HHIP: variants seen among roughly 807,000 people sequenced by gnomAD.
HHIP encodes the protein hedgehog interacting protein.
In HHIP, 12 loss-of-function variants were observed where a neutral mutation model predicts 74.0. The ratio of observed to expected loss-of-function variants is 0.16; its 90% CI spans 0.10 to 0.26. The LOEUF (loss-of-function observed/expected upper bound fraction) is 0.26, where lower values mean the gene tolerates loss of function less well. Among genes scored for constraint, HHIP ranks in the 10% least tolerant of loss-of-function variants. The probability of loss-of-function intolerance (pLI) is 1.00; values close to 1 mark genes in which losing one functional copy is unlikely to be tolerated. For synonymous variants in HHIP, 309 were observed against 311.6 expected (o/e 0.99, Z 0.09); for missense variants, 788 against 845.0 (o/e 0.93, Z 0.84).
At position 144,743,950 on chromosome 4, in the gene HHIP, A is replaced by G. The variant is rs1216625750; in HGVS notation, c.*5993A>G. On this transcript the variant is annotated 3_prime_UTR_variant, in exon 13 of 13. Transcript: ENST00000296575. ...ACTTTATATTCTTAAAATCTGAGAC[A>G]TGATTTTTCTGGAACAAATTAAGAT... 1 of 152,136 alleles carries G rather than the reference A, an allele frequency of 6.6e-6. No individual in the cohort carries two copies. The highest frequency in any genetic ancestry group is 1.5e-5 in the Non-Finnish European group (1 of 67,980). The allele number at this position is 152,136 out of a possible 1,614,324, so 9.4% of individuals were successfully genotyped here. A position where few individuals can be genotyped will look rare whatever the true frequency, so the allele number is the denominator to read the frequency against.
chr4:144,684,894 C>G (rs767958670), intron 4 of HHIP, among the ~76,000 whole-genome samples: 1 of 152,176 alleles, frequency 6.6e-6, no homozygotes, highest in Non-Finnish European at 1.5e-5. Context: ...ACACATATTT[C>G]AAATCCTAAC....
At chr4:144,716,925 G>A (rs1310693700) in intron 10 of HHIP, among the ~76,000 whole-genome samples, 1 of 133,012 alleles carries the variant, frequency 7.5e-6, no homozygotes, top group Non-Finnish European at 1.6e-5. Flanking sequence ...AGAGATGAAT[G>A]TTTAAATGTT....
Position 144,652,781 on chromosome 4 carries a change from C to T in HHIP, c.456C>T (p.Cys152=). The T allele has an allele frequency of 6.3e-7, 1 of 1,591,584 alleles. No homozygotes were observed. The highest frequency in any genetic ancestry group is 8.5e-7 in the Non-Finnish European group (1 of 1,172,922). The change falls in exon 2 of 13, where the codon TGC becomes TGT. Residue 152 remains cysteine, a synonymous_variant. Coordinates refer to ENST00000296575, the MANE Select transcript of HHIP (RefSeq NM_022475.3). ...KDYCKEFFYT[C]RGHIPGFLQT... ...ATTGCAAAGAATTCTTTTACACTTG[C>T]CGAGGCCATATTCCAGGTAAGAAAA...
rs139463508 is a variant in HHIP at position 144,646,805 on chromosome 4, C to T, written c.130C>T (p.Pro44Ser). Reference sequence around the variant, plus strand: ...GAGGAGAAGGTGCCTGAATGGGAACCCCCCGAAGCGCCTGAAAAGGAGAGA... The same window carrying T: ...GAGGAGAAGGTGCCTGAATGGGAACTCCCCGAAGCGCCTGAAAAGGAGAGA... ...ARRRRCLNGN[P>S]PKRLKRRDRR... is the part of the protein sequence containing the mutation. The change falls in exon 1 of 13, where the codon CCC (proline) becomes TCC (serine). Residue 44 changes from proline to serine, a missense_variant. Pro to Ser is a moderately conservative substitution (Grantham distance 74, BLOSUM62 -1). This residue lies in a region of HHIP where 373 missense variants were observed against 366.4 expected (regional missense o/e 1.02). Coordinates refer to ENST00000296575, the MANE Select transcript of HHIP (RefSeq NM_022475.3). 2.9e-4 allele frequency: 476 copies of T among 1,614,172 alleles called. 3 individuals carry two copies. Among genetic ancestry groups the T allele is most frequent in the Non-Finnish European group, 3.2e-4 (372 of 1,180,030 alleles).
At chr4:144,673,383 G>A (rs1267925610) in intron 4 of HHIP, among the ~76,000 whole-genome samples, 1 of 152,260 alleles carries the variant, frequency 6.6e-6, no homozygotes, top group Middle Eastern at 3.4e-3. Context: ...CATGGGTTCT[G>A]GTGAAAGGTT....
intron 4 of HHIP, among the ~76,000 whole-genome samples, chr4:144,672,260 C>A (rs532089933): frequency 5.3e-4 from 81 of 152,176 alleles, no homozygotes; most frequent in Middle Eastern, 3.4e-3. Context: ...CCTCATAGGC[C>A]AATAGGTGCA....
rs547881038 is a variant in HHIP, at chr4:144,684,450, T to G, written c.832-22081T>G. ...TTTTTTTTATTTTTATTTTTTATTT[T>G]TTGTATTTTTAGTAGAAACGTGGTT... On this transcript the variant is annotated intron_variant, in intron 4 of 12. Transcript: ENST00000296575. 4.4e-3 allele frequency among the ~76,000 whole-genome samples: 659 copies of G among 150,952 alleles called. 2 individuals are homozygous for G. Among genetic ancestry groups the G allele is most frequent in the Non-Finnish European group, 5.8e-3 (392 of 67,742 alleles).
chr4:144,670,074 G>A (rs1250874699), intron 4 of HHIP, among the ~76,000 whole-genome samples: 5 of 148,694 alleles, frequency 3.4e-5, no homozygotes, highest in African/African-American at 1.2e-4. Flanking sequence ...AACCCAGGAG[G>A]CAGAGGTTTC....
chr4:144,694,931 A>G (rs892007494), intron 4 of HHIP, among the ~76,000 whole-genome samples: 1 of 151,826 alleles, frequency 6.6e-6, no homozygotes, highest in African/African-American at 2.4e-5. Context: ...TGTTTTTATA[A>G]AAGTTAATGG....
intron 11 of HHIP, among the ~76,000 whole-genome samples, chr4:144,721,370 A>T (rs1395837802): frequency 1.3e-5 from 2 of 152,142 alleles, no homozygotes; most frequent in African/African-American, 4.8e-5. Flanking sequence ...TATCTCTTAA[A>T]TCATTTTGGC....
At chr4:144,659,913 G>A in intron 4 of HHIP, 75 bp downstream of exon 4, 3 of 1,079,150 alleles carry the variant, frequency 2.8e-6, no homozygotes, top group Non-Finnish European at 2.8e-6. Context: ...CCTCACTGAA[G>A]GTATTTCTTT....
intron 4 of HHIP, among the ~76,000 whole-genome samples, chr4:144,665,644 G>A (rs1004212877): frequency 6.6e-6 from 1 of 152,002 alleles, no homozygotes; most frequent in African/African-American, 2.4e-5. Flanking sequence ...TTTTGCTCCT[G>A]GTATTCTTTC....
intron 11 of HHIP, among the ~76,000 whole-genome samples, chr4:144,728,709 A>C (rs1442989132): frequency 6.6e-6 from 1 of 152,188 alleles, no homozygotes; most frequent in Non-Finnish European, 1.5e-5. Context: ...ATAGTACTTG[A>C]AAAATACATT....
chr4:144,712,214 T>C (rs1049299065), intron 8 of HHIP, 143 bp downstream of exon 8: 8 of 682,126 alleles, frequency 1.2e-5, no homozygotes, highest in African/African-American at 3.6e-5. Flanking sequence ...CAGGAGTAAA[T>C]TGCTCACTTT....
chr4:144,707,027 C>A (rs1002821888), intron 5 of HHIP, 60 bp from the exon 6 acceptor site: 4 of 1,407,282 alleles, frequency 2.8e-6, no homozygotes, highest in Middle Eastern at 1.8e-4. Flanking sequence ...TATTCACTTT[C>A]TGATGGACTC....
At position 144,708,037 on chromosome 4, in the gene HHIP, C is replaced by G; in HGVS notation, c.1158-131C>G. On this transcript the variant is annotated intron_variant, in intron 6 of 12. Transcript: ENST00000296575. Reference sequence around the variant, plus strand: ...GGATTACAGACGTGAGCCACTGCATCCAGCCACTTTAATATTTTATTTCAA... The same window carrying G: ...GGATTACAGACGTGAGCCACTGCATGCAGCCACTTTAATATTTTATTTCAA... 3.1e-6 allele frequency: 3 copies of G among 956,372 alleles called. No individual in the cohort carries two copies. In the South Asian group the frequency reaches 4.8e-5, roughly 15 times the overall value. The allele number at this position is 956,372 out of a possible 1,614,324, so 59.2% of individuals were successfully genotyped here.
chr4:144,744,269 C>T lies in HHIP; in HGVS notation c.*6312C>T, dbSNP rs1401444326. On this transcript the variant is annotated 3_prime_UTR_variant, in exon 13 of 13. Coordinates refer to ENST00000296575, the MANE Select transcript of HHIP (RefSeq NM_022475.3). ...CACAATGAACAAACATAAAACAATACTTAAATGAGAATTCTGTGTCTTTTT... is the reference window on the plus strand; with the variant it reads ...CACAATGAACAAACATAAAACAATATTTAAATGAGAATTCTGTGTCTTTTT... 6.6e-6 allele frequency: 1 copy of T among 152,088 alleles called. No homozygotes were observed. The highest frequency in any genetic ancestry group is 1.5e-5 in the Non-Finnish European group (1 of 68,008). 9.4% of individuals were successfully genotyped at this position (152,088 alleles called of 1,614,324 possible).
intron 1 of HHIP, among the ~76,000 whole-genome samples, chr4:144,649,002 A>G (rs1728346806): frequency 6.6e-6 from 1 of 152,216 alleles, no homozygotes. Context: ...TAAATCAACA[A>G]TACCCAAATT....
At chr4:144,735,741 GCTAT>G (rs1260267665) in intron 12 of HHIP, among the ~76,000 whole-genome samples, 1 of 152,036 alleles carries the variant, frequency 6.6e-6, no homozygotes, top group African/African-American at 2.4e-5. Flanking sequence ...ATTCATAAAT[GCTAT>G]CTTTTTGTTT....
Sources: allele counts gnomAD v4.1 joint callset (sites outside exome capture counted in the v4.1 genomes callset), GRCh38; gene constraint gnomAD v4.1.1; regional missense constraint gnomAD v4.1.1; transcripts MANE v1.5; gene names NCBI Gene and HGNC (gene_info 2026-07-23, HGNC 2026-07-21).